Variants in GAN observed in about 807,000 individuals in gnomAD.
The protein encoded by GAN is gigaxonin, also known as epididymis secretory sperm binding protein.
Under a neutral mutation model 71.3 loss-of-function variants are expected in GAN, and 48 were observed. The observed-to-expected ratio is 0.67, with a 90% CI of 0.53 to 0.86. The LOEUF (loss-of-function observed/expected upper bound fraction) is 0.86, where lower values mean the gene tolerates loss of function less well. GAN is among the 40% of genes least tolerant of loss of function. GAN has a pLI of 0.00. For missense variants in GAN, 928 were observed against 770.1 expected (o/e 1.21, Z -2.43); for synonymous variants, 386 against 276.8 (o/e 1.39, Z -3.92).
intron 9 of GAN, among the ~76,000 whole-genome samples, chr16:81,367,870 G>A (rs147589363): frequency 1.3e-5 from 2 of 152,128 alleles, no homozygotes; most frequent in Non-Finnish European, 2.9e-5. Flanking sequence ...CAACTACCAC[G>A]CTAGATTGAC....
intron 1 of GAN, among the ~76,000 whole-genome samples, chr16:81,333,874 C>T (rs1909667652): frequency 6.6e-6 from 1 of 152,172 alleles, no homozygotes; most frequent in South Asian, 2.1e-4. Flanking sequence ...CCAGTTGTTA[C>T]TTATAGTTGT....
chr16:81,333,986 C>A (rs142112446), intron 1 of GAN, among the ~76,000 whole-genome samples: 2 of 152,320 alleles, frequency 1.3e-5, no homozygotes, highest in East Asian at 1.9e-4. Context: ...ACTGCCTTCC[C>A]GTTTCATTTG....
chr16:81,364,077 C>A (rs545139112), intron 7 of GAN, 134 bp downstream of exon 7: 2 of 785,804 alleles, frequency 2.5e-6, no homozygotes, highest in South Asian at 2.9e-5. Context: ...CTCTCTTTAT[C>A]GGTAGTTTGC....
At chr16:81,349,459 G>A (rs186091470) in intron 1 of GAN, among the ~76,000 whole-genome samples, 2 of 152,164 alleles carry the variant, frequency 1.3e-5, no homozygotes, top group East Asian at 3.9e-4. Context: ...GCCCGGGCAA[G>A]ATGGTGAAAC....
chr16:81,354,531 A>G lies in GAN; in HGVS notation c.409A>G (p.Ile137Val), dbSNP rs1187759163. ...GCIAAENCIG[I>V]RDFALHYCLH... ...CATTGCTGCTGAGAACTGTATTGGT[A>G]TCCGTGACTTTGCACTACATTACTG... Residue 137 changes from isoleucine to valine, a missense_variant, in exon 3 of 11, where the codon ATC becomes GTC. Coordinates refer to ENST00000648994, the MANE Select transcript of GAN (RefSeq NM_022041.4). 3.1e-6 allele frequency: 5 copies of G among 1,614,014 alleles called. No homozygotes were observed. Among genetic ancestry groups the G allele is most frequent in the South Asian group, 2.2e-5 (2 of 91,074 alleles).
intron 1 of GAN, among the ~76,000 whole-genome samples, chr16:81,334,481 A>G (rs190124658): frequency 8.7e-4 from 133 of 152,272 alleles, no homozygotes; most frequent in Middle Eastern, 3.4e-3. Context: ...CACATGTGGT[A>G]TTGAGTAGTG....
At chr16:81,341,236 G>A (rs758633329) in intron 1 of GAN, among the ~76,000 whole-genome samples, 6 of 152,164 alleles carry the variant, frequency 3.9e-5, no homozygotes, top group Non-Finnish European at 7.3e-5. Flanking sequence ...TATTATCCAG[G>A]AGAACTTCCC....
At chr16:81,351,519 A>G (rs555307037) in intron 1 of GAN, 64 bp from the exon 2 acceptor site, 105 of 775,654 alleles carry the variant, frequency 1.4e-4, no homozygotes, top group African/African-American at 1.3e-3. Flanking sequence ...AGTTTTGAGT[A>G]CATAAATATT....
Position 81,379,486 on chromosome 16 carries a change from A to G in GAN, c.*1890A>G, listed in dbSNP as rs1248780087. ...TAATATGTCAGTCAAAACCAAATTC[A>G]GAATTGTTTTGTGTACCAGTCAGCT... is the stretch of plus-strand genomic sequence containing the variant. On this transcript the variant is annotated 3_prime_UTR_variant, in exon 11 of 11. Coordinates refer to ENST00000648994, the MANE Select transcript of GAN (RefSeq NM_022041.4). The G allele has an allele frequency of 1.3e-5, 2 of 152,272 alleles. No individual in the cohort carries two copies. Among genetic ancestry groups the G allele is most frequent in the African/African-American group, 4.8e-5 (2 of 41,474 alleles). 9.4% of individuals were successfully genotyped at this position (152,272 alleles called of 1,614,324 possible). A position where few individuals can be genotyped will look rare whatever the true frequency, so the allele number is the denominator to read the frequency against.
rs191193537 is a variant in GAN at position 81,330,179 on chromosome 16, C to G, written c.167+14899C>G. Reference sequence around the variant, plus strand: ...ACTTGTGGCAGGACCTCTCACTGGTCTGTCTGCCTCCCTGCTCAGCCCCCG... The same window carrying G: ...ACTTGTGGCAGGACCTCTCACTGGTGTGTCTGCCTCCCTGCTCAGCCCCCG... On this transcript the variant is annotated intron_variant, in intron 1 of 10. Transcript: ENST00000648994. Among the ~76,000 whole-genome samples the G allele has an allele frequency of 5.5e-3, 842 of 152,328 alleles. 1 individual carries two copies. The highest frequency in any genetic ancestry group is 8.8e-3 in the Non-Finnish European group (601 of 68,024).
chr16:81,327,498 T>A (rs1199659764), intron 1 of GAN, among the ~76,000 whole-genome samples: 3 of 152,222 alleles, frequency 2.0e-5, no homozygotes, highest in Non-Finnish European at 4.4e-5. Context: ...TAAAGTTCAC[T>A]TAATGCTTCG....
intron 1 of GAN, among the ~76,000 whole-genome samples, chr16:81,322,808 T>G (rs1432174316): frequency 6.6e-6 from 1 of 152,238 alleles, no homozygotes; most frequent in Admixed American, 6.5e-5. Flanking sequence ...TTTGCACTTT[T>G]GTCACTTAAA....
intron 7 of GAN, among the ~76,000 whole-genome samples, chr16:81,364,334 A>G (rs952444919): frequency 1.3e-5 from 2 of 152,002 alleles, no homozygotes; most frequent in Non-Finnish European, 2.9e-5. Context: ...CGGTGGCGCC[A>G]TCTTGGCTCA....
At chr16:81,347,048 A>C (rs962722527) in intron 1 of GAN, among the ~76,000 whole-genome samples, 1 of 152,228 alleles carries the variant, frequency 6.6e-6, no homozygotes, top group African/African-American at 2.4e-5. Context: ...ATGACATCCT[A>C]AGTGAAGACA....
chr16:81,320,909 T>C (rs1268179015), intron 1 of GAN, among the ~76,000 whole-genome samples: 5 of 152,110 alleles, frequency 3.3e-5, no homozygotes. Context: ...ATTTTCCTTT[T>C]CTTTTTTTTT....
In GAN at chr16:81,379,230, A is replaced by G. The variant is rs1293755403; in HGVS notation, c.*1634A>G. 1.3e-5 allele frequency: 2 copies of G among 152,156 alleles called. No homozygotes were observed. Among genetic ancestry groups the G allele is most frequent in the African/African-American group, 2.4e-5 (1 of 41,444 alleles). The allele number at this position is 152,156 out of a possible 1,614,324, so 9.4% of individuals were successfully genotyped here. A position where few individuals can be genotyped will look rare whatever the true frequency, so the allele number is the denominator to read the frequency against. On this transcript the variant is annotated 3_prime_UTR_variant, in exon 11 of 11. Transcript: ENST00000648994. ...TTACGTTCTCCCACCCATAGACATA[A>G]AAAAGGGTGACCTGTGATTTTTTTT...
At chr16:81,347,910 T>C (rs1440251955) in intron 1 of GAN, among the ~76,000 whole-genome samples, 1 of 152,160 alleles carries the variant, frequency 6.6e-6, no homozygotes, top group Non-Finnish European at 1.5e-5. Context: ...AATAGTCTTA[T>C]CTTTTTTGGT....
chr16:81,337,510 C>T (rs568515307), intron 1 of GAN, among the ~76,000 whole-genome samples: 43 of 152,258 alleles, frequency 2.8e-4, no homozygotes, highest in African/African-American at 8.9e-4. Context: ...TCTTGGAAGA[C>T]GATGACCAGG....
intron 3 of GAN, 94 bp from the exon 4 acceptor site, chr16:81,356,691 A>C: frequency 1.1e-6 from 1 of 879,848 alleles, no homozygotes; most frequent in Non-Finnish European, 2.0e-6. Flanking sequence ...GAGTGTTAAC[A>C]GTTTGTTTTC....
Sources: gnomAD v4.1 joint callset for allele counts (sites outside exome capture counted in the v4.1 genomes callset) on GRCh38, gnomAD v4.1.1 for gene constraint, MANE v1.5 for transcripts, NCBI Gene and HGNC (gene_info 2026-07-23, HGNC 2026-07-21) for gene names.